THSD7B: variants seen among roughly 807,000 people sequenced by gnomAD.
The protein encoded by THSD7B is thrombospondin type-1 domain-containing protein 7B.
Under a neutral mutation model 213.6 loss-of-function variants are expected in THSD7B, and 138 were observed. The ratio of observed to expected loss-of-function variants is 0.65; its 90% confidence interval spans 0.56 to 0.74. THSD7B has a LOEUF of 0.74. Among genes scored for constraint, THSD7B ranks in the 30% least tolerant of loss-of-function variants. THSD7B has a pLI of 0.00. For synonymous variants in THSD7B, 742 were observed against 687.0 expected (o/e 1.08, Z -1.25); for missense variants, 1,931 against 1,991.5 (o/e 0.97, Z 0.58).
At chr2:137,157,879 G>A (rs1246949668) in intron 5 of THSD7B, among the ~76,000 whole-genome samples, 1 of 152,270 alleles carries the variant, frequency 6.6e-6, no homozygotes, top group South Asian at 2.1e-4. Context: ...CAGCTTACAT[G>A]GCCCACTTTC....
rs560963257 is a variant in THSD7B at position 137,567,909 on chromosome 2, A to G, written c.3273-4497A>G. ...TATAAATTTAGTATTTATTGAGAAGAAATTGAGTCCTGGGGAACTCCAACA... is the reference window on the plus strand; with the variant it reads ...TATAAATTTAGTATTTATTGAGAAGGAATTGAGTCCTGGGGAACTCCAACA... On this transcript the variant is annotated intron_variant, in intron 16 of 27. Transcript: ENST00000409968. 3.3e-5 allele frequency among the ~76,000 whole-genome samples: 5 copies of G among 152,300 alleles called. No homozygotes were observed. The East Asian group carries it at 9.6e-4, about 29-fold the overall frequency.
chr2:137,458,231 T>G (rs1037796162), intron 15 of THSD7B, among the ~76,000 whole-genome samples: 4 of 152,154 alleles, frequency 2.6e-5, no homozygotes, highest in Non-Finnish European at 4.4e-5. Context: ...TTTATTACCT[T>G]TCGGGAAACA....
intron 9 of THSD7B, among the ~76,000 whole-genome samples, chr2:137,234,072 C>G (rs1681705807): frequency 6.6e-6 from 1 of 152,120 alleles, no homozygotes; most frequent in Non-Finnish European, 1.5e-5. Context: ...TCATCATACT[C>G]TAAGCATATG....
In THSD7B at chr2:137,381,180, C is replaced by T. The variant is rs376293772; in HGVS notation, c.2501-24433C>T. On this transcript the variant is annotated intron_variant, in intron 12 of 27. Coordinates refer to ENST00000409968, the MANE Select transcript of THSD7B (RefSeq NM_001316349.2). ...GTGGCTGCAACATGGATTGTGGTAC[C>T]CGGTGGCAGCCGTATTGCTCAGATG... Among the ~76,000 whole-genome samples the T allele has an allele frequency of 1.1e-4, 17 of 152,286 alleles. No homozygotes were observed. In the South Asian group the frequency reaches 3.5e-3, roughly 32 times the overall value.
At chr2:137,120,323 G>A (rs1688524258) in intron 5 of THSD7B, among the ~76,000 whole-genome samples, 1 of 152,060 alleles carries the variant, frequency 6.6e-6, no homozygotes, top group Non-Finnish European at 1.5e-5. Flanking sequence ...ACAATGACAG[G>A]TGGTGATGAA....
intron 14 of THSD7B, among the ~76,000 whole-genome samples, chr2:137,432,258 G>A (rs966632943): frequency 1.3e-5 from 2 of 152,162 alleles, no homozygotes; most frequent in African/African-American, 4.8e-5. Context: ...GGGCGTGGCA[G>A]TGTCTGCCTG....
intron 1 of THSD7B, among the ~76,000 whole-genome samples, chr2:136,826,450 C>T (rs1294222305): frequency 6.6e-6 from 1 of 152,174 alleles, no homozygotes. Flanking sequence ...ATTGTTGTTA[C>T]AGAGCTCTTT....
intron 1 of THSD7B, among the ~76,000 whole-genome samples, chr2:136,766,010 C>T (rs2104893850): frequency 6.6e-6 from 1 of 152,298 alleles, no homozygotes; most frequent in East Asian, 1.9e-4. Context: ...CCTTGGGACC[C>T]GGGCAGCAGG....
At chr2:137,108,846 G>T (rs2104932500) in intron 4 of THSD7B, among the ~76,000 whole-genome samples, 1 of 152,190 alleles carries the variant, frequency 6.6e-6, no homozygotes, top group African/African-American at 2.4e-5. Context: ...GAAGACAGAT[G>T]GTAGGAGGTA....
intron 1 of THSD7B, among the ~76,000 whole-genome samples, chr2:136,836,512 G>A (rs1268724572): frequency 1.3e-5 from 2 of 152,064 alleles, no homozygotes; most frequent in African/African-American, 2.4e-5. Context: ...GCCACCTTGC[G>A]ACCTAACATC....
intron 5 of THSD7B, among the ~76,000 whole-genome samples, chr2:137,142,448 TTTGTTG>T (rs139185076): frequency 7.9e-5 from 12 of 152,090 alleles, no homozygotes; most frequent in African/African-American, 2.7e-4. Flanking sequence ...AACATTCGTT[TTTGTTG>T]TTGTTGTTGT....
chr2:136,773,498 A>T (rs976913605), intron 1 of THSD7B, among the ~76,000 whole-genome samples: 2 of 152,168 alleles, frequency 1.3e-5, no homozygotes, highest in African/African-American at 4.8e-5. Context: ...AATATGTCTT[A>T]TTAACCCAAT....
chr2:136,787,578 A>T lies in THSD7B; in HGVS notation c.-36+21891A>T, dbSNP rs558394649. On this transcript the variant is annotated intron_variant, in intron 1 of 27. Coordinates refer to ENST00000409968, the MANE Select transcript of THSD7B (RefSeq NM_001316349.2). ...TTCCCTGGTCTTTTTGTCCCTTTGG[A>T]TGTTAAGATTCAAAATCTCTTGGAG... 5.8e-4 allele frequency among the ~76,000 whole-genome samples: 89 copies of T among 152,234 alleles called. 1 individual carries two copies. The highest frequency in any genetic ancestry group is 2.0e-3 in the African/African-American group (82 of 41,554).
intron 7 of THSD7B, among the ~76,000 whole-genome samples, chr2:137,204,979 C>A (rs1292832837): frequency 6.6e-6 from 1 of 151,930 alleles, no homozygotes; most frequent in African/African-American, 2.4e-5. Flanking sequence ...ATATAACACC[C>A]AATTACTGTG....
intron 14 of THSD7B, among the ~76,000 whole-genome samples, chr2:137,418,421 C>T (rs1431289068): frequency 6.6e-6 from 1 of 152,162 alleles, no homozygotes; most frequent in Non-Finnish European, 1.5e-5. Context: ...ATTTTACCCT[C>T]CTTTTTTTAA....
In THSD7B at chr2:137,056,413, C is replaced by T. The variant is rs751695243; in HGVS notation, c.140-7C>T. On this transcript the variant is annotated splice_polypyrimidine_tract_variant and splice_region_variant and intron_variant, in intron 2 of 27. Transcript: ENST00000409968. ...AGTAATTAACATCCTTGTTTTTCTG[C>T]CTGTAGGTCCGTGGGGAAGGTGTAC... 2.5e-6 allele frequency: 4 copies of T among 1,596,956 alleles called. No individual in the cohort carries two copies. In the South Asian group the frequency reaches 4.5e-5, roughly 18 times the overall value.
chr2:136,941,785 A>G (rs1684833259), intron 2 of THSD7B, among the ~76,000 whole-genome samples: 1 of 152,044 alleles, frequency 6.6e-6, no homozygotes, highest in Non-Finnish European at 1.5e-5. Context: ...ATTTTCTCCC[A>G]TTCTGTAGAT....
intron 17 of THSD7B, 36 bp from the exon 18 acceptor site, chr2:137,616,139 G>A (rs1244593280): frequency 1.2e-6 from 2 of 1,601,836 alleles, no homozygotes; most frequent in African/African-American, 2.7e-5. Flanking sequence ...CAAATAACTT[G>A]CCCACAGTCA....
In THSD7B at chr2:137,677,209, A is replaced by G. The variant is rs1251481489; in HGVS notation, c.*604A>G. ...TGTAGCCAGGGGATGATGGCGCTTC[A>G]TGGGTTGCAGCTACTGAAAATAGCA... On this transcript the variant is annotated 3_prime_UTR_variant, in exon 28 of 28. Transcript: ENST00000409968. The G allele has an allele frequency of 6.6e-6, 1 of 152,624 alleles. No homozygotes were observed. Among genetic ancestry groups the G allele is most frequent in the Non-Finnish European group, 1.5e-5 (1 of 68,048 alleles). 9.5% of individuals were successfully genotyped at this position (152,624 alleles called of 1,614,324 possible).
Sources: gnomAD v4.1 joint callset for allele counts (sites outside exome capture counted in the v4.1 genomes callset) on GRCh38, gnomAD v4.1.1 for gene constraint, MANE v1.5 for transcripts, NCBI Gene and HGNC (gene_info 2026-07-23, HGNC 2026-07-21) for gene names.